CR1L: variants seen among roughly 807,000 people sequenced by gnomAD.
CR1L encodes complement C3b/C4b receptor 1 like.
Under a neutral mutation model 62.3 loss-of-function variants are expected in CR1L, and 59 were observed. The observed-to-expected ratio is 0.95, with a 90% CI of 0.77 to 1.18. CR1L has a LOEUF of 1.18. Ranked by LOEUF, CR1L falls within the 50% of genes most tolerant of loss-of-function variation. The pLI, the probability that CR1L is intolerant of heterozygous loss-of-function variation, is 0.00. For synonymous variants in CR1L, 279 were observed against 248.7 expected (o/e 1.12, Z -1.15); for missense variants, 700 against 702.8 (o/e 1.00, Z 0.04).
At chr1:207,654,836 T>C (rs1162118179) in intron 1 of CR1L, among the ~76,000 whole-genome samples, 1 of 152,196 alleles carries the variant, frequency 6.6e-6, no homozygotes, top group Non-Finnish European at 1.5e-5. Flanking sequence ...GCATTCCAGC[T>C]CTAGGGCCTG....
At chr1:207,657,595 AT>A (rs375063585) in intron 1 of CR1L, among the ~76,000 whole-genome samples, 77 of 152,290 alleles carry the variant, frequency 5.1e-4, no homozygotes, top group African/African-American at 1.7e-3. Context: ...ACCAAAAAAA[AT>A]AATAAATCAA....
At position 207,678,234 on chromosome 1, in the gene CR1L, G is replaced by T. The variant is rs2102458401; in HGVS notation, c.314G>T (p.Gly105Val). The T allele has an allele frequency of 6.2e-7, 1 of 1,613,670 alleles. No individual in the cohort carries two copies. The highest frequency in any genetic ancestry group is 1.6e-4 in the Middle Eastern group (1 of 6,062). The change falls in exon 3 of 12, where the codon GGC (glycine) becomes GTC (valine). Residue 105 changes from glycine (G) to valine (V), a missense_variant. Transcript: ENST00000508064. The stretch of plus-strand genomic sequence containing the variant: ...CGTAATCCTCCAGATCCTGTGAATG[G>T]CATGGCACATGTGATCAAAGACATC... Reference protein sequence around the residue: ...SCRNPPDPVNGMAHVIKDIQF... With the variant: ...SCRNPPDPVNVMAHVIKDIQF...
Position 207,717,509 on chromosome 1 carries a change from C to A in CR1L, c.1460C>A (p.Thr487Lys), listed in dbSNP as rs1228296996. Residue 487 changes from threonine to lysine, a missense_variant, in exon 11 of 12, where the codon ACA becomes AAA. Transcript: ENST00000508064. Reference protein sequence around the residue: ...NPPAILNGRHTGTPLGDIPYG... With the variant: ...NPPAILNGRHKGTPLGDIPYG... Reference sequence around the variant, plus strand: ...CCAGCTATCCTTAATGGGAGACACACAGGAACTCCCCTTGGAGATATTCCC... The same window carrying A: ...CCAGCTATCCTTAATGGGAGACACAAAGGAACTCCCCTTGGAGATATTCCC... 1.2e-6 allele frequency: 2 copies of A among 1,613,648 alleles called. 1 individual carries two copies. Among genetic ancestry groups the A allele is most frequent in the Admixed American group, 3.3e-5 (2 of 59,998 alleles).
intron 3 of CR1L, among the ~76,000 whole-genome samples, chr1:207,682,578 C>T (rs1184383095): frequency 6.6e-6 from 1 of 152,202 alleles, no homozygotes; most frequent in African/African-American, 2.4e-5. Context: ...ACTGTTGTCT[C>T]ACTATTCATT....
intron 8 of CR1L, 24 bp from the exon 9 acceptor site, chr1:207,701,495 T>G: frequency 6.2e-7 from 1 of 1,613,198 alleles, no homozygotes; most frequent in Non-Finnish European, 8.5e-7. Context: ...TCTACCTGGC[T>G]CCAAAACATT....
chr1:207,669,540 GC>G (rs1215418500), intron 1 of CR1L: 19 of 1,570,198 alleles, frequency 1.2e-5, no homozygotes, highest in Admixed American at 3.6e-5. Flanking sequence ...CGGTCGTGGT[GC>G]TGCTCGCGCT....
Position 207,697,682 on chromosome 1 carries a change from G to A in CR1L, c.1039+3G>A. The A allele has an allele frequency of 2.5e-6, 4 of 1,614,010 alleles. No homozygotes were observed. The highest frequency in any genetic ancestry group is 2.2e-5 in the South Asian group (2 of 91,084). On this transcript the variant is annotated splice_donor_region_variant and intron_variant, in intron 6 of 11. Coordinates refer to ENST00000508064, the MANE Select transcript of CR1L (RefSeq NM_175710.2). ...CCCTGCAGCCCCCAGATGTGAAGGT[G>A]ACTAGACTCTTATCTGGCTTGGTAT...
At chr1:207,697,975 G>GACAGAC (rs372832652) in intron 7 of CR1L, 102 bp downstream of exon 7, 5 of 1,270,038 alleles carry the variant, frequency 3.9e-6, no homozygotes, top group African/African-American at 2.9e-5. Context: ...CAGACAGACA[G>GACAGAC]ACACACACAC....
chr1:207,717,396 G>T, intron 10 of CR1L, 68 bp from the exon 11 acceptor site: 2 of 1,523,396 alleles, frequency 1.3e-6, no homozygotes, highest in Admixed American at 1.9e-5. Flanking sequence ...ACTGTCGCAG[G>T]TCACTAATAT....
chr1:207,702,459 C>G (rs536321815), intron 9 of CR1L, among the ~76,000 whole-genome samples: 23 of 152,292 alleles, frequency 1.5e-4, no homozygotes, highest in African/African-American at 5.3e-4. Context: ...GCATCTCTTA[C>G]TTTAAATCAA....
At chr1:207,676,428 A>G (rs770990856) in intron 1 of CR1L, among the ~76,000 whole-genome samples, 2 of 152,166 alleles carry the variant, frequency 1.3e-5, no homozygotes, top group African/African-American at 2.4e-5. Context: ...TGGCAGCATT[A>G]GATTCTCATA....
chr1:207,718,292 C>T (rs914855758), intron 11 of CR1L, among the ~76,000 whole-genome samples: 3 of 152,190 alleles, frequency 2.0e-5, no homozygotes, highest in Non-Finnish European at 4.4e-5. Flanking sequence ...TAGCTCCTTC[C>T]TTTGATATAT....
chr1:207,647,429 A>G (rs1197060121), intron 1 of CR1L, among the ~76,000 whole-genome samples: 2 of 152,178 alleles, frequency 1.3e-5, no homozygotes, highest in Non-Finnish European at 2.9e-5. Flanking sequence ...CTCAGGTTGA[A>G]CACATACAAC....
chr1:207,695,208 C>T (rs56867724), intron 5 of CR1L, among the ~76,000 whole-genome samples: 3,207 of 152,200 alleles, frequency 0.021, 113 homozygotes, highest in African/African-American at 0.074. Context: ...TTACTGCAAC[C>T]GCCACCTCCC....
At chr1:207,706,585 G>A (rs1168998127) in intron 9 of CR1L, among the ~76,000 whole-genome samples, 1 of 152,122 alleles carries the variant, frequency 6.6e-6, no homozygotes. Flanking sequence ...GAAATAAAAT[G>A]TGAAAATGTA....
intron 10 of CR1L, among the ~76,000 whole-genome samples, chr1:207,717,173 G>A (rs1413491160): frequency 6.6e-6 from 1 of 151,984 alleles, no homozygotes; most frequent in Non-Finnish European, 1.5e-5. Context: ...CAACCAAATG[G>A]GTGTTTGTAA....
intron 1 of CR1L, among the ~76,000 whole-genome samples, chr1:207,649,574 T>C (rs1252453874): frequency 6.6e-6 from 1 of 152,130 alleles, no homozygotes; most frequent in African/African-American, 2.4e-5. Context: ...GGTCTCAGCA[T>C]GTGGGAGCTC....
intron 11 of CR1L, among the ~76,000 whole-genome samples, chr1:207,718,008 C>G (rs1654045302): frequency 6.6e-6 from 1 of 152,134 alleles, no homozygotes; most frequent in Non-Finnish European, 1.5e-5. Context: ...AAAGAATGTA[C>G]TCTTTTATTC....
chr1:207,689,353 T>A (rs36019152), intron 4 of CR1L, among the ~76,000 whole-genome samples: 26,994 of 151,974 alleles, frequency 0.18, 3,011 homozygotes, highest in Non-Finnish European at 0.26. Flanking sequence ...TTATCCTATC[T>A]ATGAAATGTG....
Sources: gnomAD v4.1 joint callset for allele counts (sites outside exome capture counted in the v4.1 genomes callset) on GRCh38, gnomAD v4.1.1 for gene constraint, MANE v1.5 for transcripts, NCBI Gene and HGNC (gene_info 2026-07-23, HGNC 2026-07-21) for gene names.